ARHGAP23: variants seen among roughly 807,000 people sequenced by gnomAD.
The protein encoded by ARHGAP23 is Rho GTPase activating protein 23, also known as rho GTPase-activating protein 23.
In ARHGAP23, 34 loss-of-function variants were observed where a neutral mutation model predicts 136.3. The observed-to-expected ratio is 0.25, with a 90% CI of 0.19 to 0.33. ARHGAP23 has a LOEUF of 0.33. Among genes scored for constraint, ARHGAP23 ranks in the 10% least tolerant of loss-of-function variants. The pLI, the probability that ARHGAP23 is intolerant of heterozygous loss-of-function variation, is 1.00. For synonymous variants in ARHGAP23, 832 were observed against 920.5 expected (o/e 0.90, Z 1.74); for missense variants, 1,808 against 2,139.0 (o/e 0.85, Z 3.05).
intron 5 of ARHGAP23, 50 bp from the exon 6 acceptor site, chr17:38,463,278 T>C: frequency 6.4e-7 from 1 of 1,551,424 alleles, no homozygotes; most frequent in South Asian, 1.2e-5. Flanking sequence ...GATCCCTTCC[T>C]CCTGGACCCT....
chr17:38,489,103 T>G (rs758081004), intron 17 of ARHGAP23, among the ~76,000 whole-genome samples: 37 of 152,226 alleles, frequency 2.4e-4, no homozygotes, highest in Non-Finnish European at 4.7e-4. Flanking sequence ...CTTGAACTCC[T>G]GATCTCAAGT....
At chr17:38,471,134 G>C (rs2039746286) in intron 10 of ARHGAP23, among the ~76,000 whole-genome samples, 1 of 151,352 alleles carries the variant, frequency 6.6e-6, no homozygotes, top group South Asian at 2.1e-4. Context: ...TGTGTTTTTA[G>C]TAGAGATGGG....
intron 1 of ARHGAP23, among the ~76,000 whole-genome samples, chr17:38,438,215 G>T (rs570416322): frequency 6.6e-6 from 1 of 152,006 alleles, no homozygotes; most frequent in African/African-American, 2.4e-5. Flanking sequence ...CAGCTACTTG[G>T]GGGGCTGAGG....
intron 1 of ARHGAP23, among the ~76,000 whole-genome samples, chr17:38,438,726 G>A (rs2038857921): frequency 6.6e-6 from 1 of 152,180 alleles, no homozygotes; most frequent in African/African-American, 2.4e-5. Flanking sequence ...GCTCACACCT[G>A]TAATCCCAGC....
chr17:38,505,403 G>C (rs1304325145), intron 23 of ARHGAP23, among the ~76,000 whole-genome samples: 3 of 151,906 alleles, frequency 2.0e-5, no homozygotes, highest in African/African-American at 7.3e-5. Flanking sequence ...TTTACAGCCT[G>C]CAATAATCCC....
At position 38,467,240 on chromosome 17, in the gene ARHGAP23, G is replaced by A; in HGVS notation, c.1557G>A (p.Glu519=). The change falls in exon 7 of 24, where the codon GAG becomes GAA. Residue 519 remains glutamate (E), a synonymous_variant. Coordinates refer to ENST00000622683, the MANE Select transcript of ARHGAP23 (RefSeq NM_001199417.2). ...MNLGFGDESP[E]PEASGRGERL... ...TTGGATTTGGTGACGAGTCCCCAGA[G>A]CCAGAGGCCAGTGGGCGAGGGGAAC... 1 of 1,550,734 alleles carries A rather than the reference G, an allele frequency of 6.4e-7. No homozygotes were observed.
At chr17:38,464,652 C>T (rs772849406) in intron 6 of ARHGAP23, among the ~76,000 whole-genome samples, 6 of 152,344 alleles carry the variant, frequency 3.9e-5, no homozygotes, top group Non-Finnish European at 8.8e-5. Flanking sequence ...ACAGCTCCCC[C>T]AGGCTGAGGC....
At chr17:38,504,956 A>G (rs1204961845) in intron 23 of ARHGAP23, among the ~76,000 whole-genome samples, 1 of 104,970 alleles carries the variant, frequency 9.5e-6, no homozygotes, top group Non-Finnish European at 1.8e-5. Flanking sequence ...GCTGTTCATT[A>G]CTCAGAAGCC....
rs543091141 is a variant in ARHGAP23 at position 38,482,666 on chromosome 17, C to A, written c.2895C>A (p.Asn965Lys). The A allele has an allele frequency of 6.5e-7, 1 of 1,548,170 alleles. No homozygotes were observed. Among genetic ancestry groups the A allele is most frequent in the East Asian group, 2.4e-5 (1 of 40,898 alleles). The part of the protein sequence containing the change: ...EQLNRGPGDI[N>K]LQDERWQDLN... ...TCAACCGCGGGCCTGGTGACATCAA[C>A]CTGCAGGATGAGGTGGGTGAAGCTG... The change falls in exon 16 of 24, where the codon AAC (asparagine) becomes AAA (lysine). Residue 965 changes from asparagine to lysine, a missense_variant. Asn to Lys is a moderately conservative substitution (Grantham distance 94). Transcript: ENST00000622683.
chr17:38,485,604 C>A (rs968684906), intron 16 of ARHGAP23, among the ~76,000 whole-genome samples: 1 of 152,148 alleles, frequency 6.6e-6, no homozygotes, highest in Non-Finnish European at 1.5e-5. Flanking sequence ...CAGAGAAGGC[C>A]TCTTTGAAGA....
In ARHGAP23 at chr17:38,432,517, T is replaced by G. The variant is rs570562071; in HGVS notation, c.63+3969T>G. 3.9e-5 allele frequency among the ~76,000 whole-genome samples: 6 copies of G among 152,184 alleles called. No individual in the cohort carries two copies. The East Asian group carries it at 1.2e-3, about 29-fold the overall frequency. On this transcript the variant is annotated intron_variant, in intron 1 of 23. Coordinates refer to ENST00000622683, the MANE Select transcript of ARHGAP23 (RefSeq NM_001199417.2). Reference sequence around the variant, plus strand: ...CAACATGGTGAAACACTGTCCCTACTAAAATTACAAAATTAGCTGGGTGAA... The same window carrying G: ...CAACATGGTGAAACACTGTCCCTACGAAAATTACAAAATTAGCTGGGTGAA...
In ARHGAP23 at chr17:38,467,115, C is replaced by G. The variant is rs1209618364; in HGVS notation, c.1432C>G (p.Leu478Val). The part of the protein sequence containing the change: ...VVRPEPSTRA[L>V]EPPAEDRGDE... Reference sequence around the variant, plus strand: ...ACGGCCGGAACCCAGCACCCGGGCCCTGGAGCCTCCTGCGGAGGATCGCGG... The same window carrying G: ...ACGGCCGGAACCCAGCACCCGGGCCGTGGAGCCTCCTGCGGAGGATCGCGG... Residue 478 changes from leucine (L) to valine (V), a missense_variant, in exon 7 of 24, where the codon CTG (leucine) becomes GTG (valine). Physicochemically the swap from Leu to Val is conservative, Grantham distance 32 (BLOSUM62 1). Coordinates refer to ENST00000622683, the MANE Select transcript of ARHGAP23 (RefSeq NM_001199417.2). 12 of 1,550,232 alleles carry G rather than the reference C, an allele frequency of 7.7e-6. No homozygotes were observed. The highest frequency in any genetic ancestry group is 2.0e-5 in the Admixed American group (1 of 50,976).
At chr17:38,456,304 G>C (rs768238781) in intron 1 of ARHGAP23, among the ~76,000 whole-genome samples, 68 of 152,192 alleles carry the variant, frequency 4.5e-4, no homozygotes, top group Non-Finnish European at 7.2e-4. Flanking sequence ...TCCCTCCACT[G>C]GGTGTGTGGA....
At chr17:38,465,342 G>A (rs1056529498) in intron 6 of ARHGAP23, among the ~76,000 whole-genome samples, 2 of 144,390 alleles carry the variant, frequency 1.4e-5, no homozygotes, top group Non-Finnish European at 2.9e-5. Context: ...GTCTCTGGGT[G>A]TGTATCTTCC....
chr17:38,457,860 G>C (rs1316447644), intron 1 of ARHGAP23: 1 of 582,224 alleles, frequency 1.7e-6, no homozygotes, highest in East Asian at 2.9e-5. Flanking sequence ...ATTTTCCCAA[G>C]GGCAAAGACA....
Position 38,466,679 on chromosome 17 carries a change from C to T in ARHGAP23, c.996C>T (p.Ser332=). ...CTGCCCCCCGCCCGTGGCCCTGCTC[C>T]ACCTCCCAGGATGCTTTGAGCCAGC... The part of the protein sequence containing the change: ...EVAAPRPWPC[S]TSQDALSQLG... Residue 332 remains serine (S), a synonymous_variant, in exon 7 of 24, where the codon TCC becomes TCT. Transcript: ENST00000622683. 6.6e-7 allele frequency: 1 copy of T among 1,520,654 alleles called. No individual in the cohort carries two copies. Among genetic ancestry groups the T allele is most frequent in the Non-Finnish European group, 8.8e-7 (1 of 1,135,204 alleles). 94.2% of individuals were successfully genotyped at this position (1,520,654 alleles called of 1,614,324 possible).
At chr17:38,437,461 T>C (rs1475455272) in intron 1 of ARHGAP23, among the ~76,000 whole-genome samples, 1 of 151,964 alleles carries the variant, frequency 6.6e-6, no homozygotes, top group Non-Finnish European at 1.5e-5. Context: ...ACCCTGTCTC[T>C]AAAAAATTAG....
At chr17:38,489,065 G>A (rs1468003217) in intron 17 of ARHGAP23, among the ~76,000 whole-genome samples, 2 of 151,774 alleles carry the variant, frequency 1.3e-5, no homozygotes, top group African/African-American at 4.8e-5. Context: ...TAGTAAAGAT[G>A]AGGTTTTGCC....
upstream of ARHGAP23, chr17:38,428,459 C>A: frequency 7.0e-7 from 1 of 1,421,300 alleles, no homozygotes; most frequent in Non-Finnish European, 9.2e-7. Flanking sequence ...AGCCGTGCCC[C>A]GGCCGCAGAG....
Sources: allele counts gnomAD v4.1 joint callset (sites outside exome capture counted in the v4.1 genomes callset), GRCh38; gene constraint gnomAD v4.1.1; transcripts MANE v1.5; gene names NCBI Gene and HGNC (gene_info 2026-07-23, HGNC 2026-07-21).